TSPAN1: variants seen among roughly 807,000 people sequenced by gnomAD.
The protein encoded by TSPAN1 is tetraspanin 1.
TSPAN1 carries 23 observed loss-of-function variants against 26.9 expected under a neutral mutation model. The observed-to-expected ratio is 0.85, with a 90% confidence interval of 0.62 to 1.21. The LOEUF is 1.21. TSPAN1 is among the 50% of genes most tolerant of loss of function. The probability of loss-of-function intolerance (pLI) is 0.00; values close to 1 mark genes in which losing one functional copy is unlikely to be tolerated. For synonymous variants in TSPAN1, 115 were observed against 114.8 expected, an observed-to-expected ratio of 1.00 and a Z score of -0.01; for missense variants, 283 against 298.4, an observed-to-expected ratio of 0.95 and a Z score of 0.38.
At position 46,176,572 on chromosome 1, in the gene TSPAN1, T is replaced by C. The variant is rs184740109; in HGVS notation, c.-142+1163T>C. On this transcript the variant is annotated intron_variant, in intron 1 of 8. Coordinates refer to ENST00000372003, the MANE Select transcript of TSPAN1 (RefSeq NM_005727.4). The stretch of plus-strand genomic sequence containing the variant: ...GTCTGCATAAGGGCAGGGCCCTTTA[T>C]TACAAGTCGTGGGCCCTGGCCCCTC... 2.2e-4 allele frequency: 307 copies of C among 1,381,996 alleles called. 1 individual carries two copies. The highest frequency in any genetic ancestry group is 5.3e-5 in the Non-Finnish European group (55 of 1,039,998). 85.6% of individuals were successfully genotyped at this position (1,381,996 alleles called of 1,614,324 possible).
downstream of TSPAN1, chr1:46,185,963 G>A: frequency 5.1e-6 from 1 of 194,380 alleles, no homozygotes; most frequent in Non-Finnish European, 1.1e-5. Context: ...AATGTTGCCA[G>A]TTGGACTCTT....
chr1:46,186,073 G>A (rs780010385), downstream of TSPAN1: 1 of 161,452 alleles, frequency 6.2e-6, no homozygotes, highest in South Asian at 1.6e-4. Context: ...TGGGGTTGGG[G>A]GTCAGAAGTG....
chr1:46,176,427 C>T, intron 1 of TSPAN1: 1 of 1,535,768 alleles, frequency 6.5e-7, no homozygotes, highest in South Asian at 1.2e-5. Flanking sequence ...AGGGGGAACG[C>T]ATGCCCTGGG....
At position 46,185,061 on chromosome 1, in the gene TSPAN1, C is replaced by T. The variant is rs557697693; in HGVS notation, c.540C>T (p.Thr180=). 6 of 1,614,010 alleles carry T rather than the reference C, an allele frequency of 3.7e-6. No homozygotes were observed. In the South Asian group the frequency reaches 5.5e-5, roughly 15 times the overall value. ...FPPFCCNDNV[T]NTANETCTKQ... The stretch of plus-strand genomic sequence containing the variant: ...CATTCTGTTGCAATGACAACGTCAC[C>T]AACACAGCCAATGAAACCTGCACCA... The change falls in exon 7 of 9, where the codon ACC becomes ACT. Residue 180 remains threonine (T), a synonymous_variant. Coordinates refer to ENST00000372003, the MANE Select transcript of TSPAN1 (RefSeq NM_005727.4).
chr1:46,195,265 G>C, the TSPAN1 span, among the ~76,000 whole-genome samples: 4 of 151,990 alleles, frequency 2.6e-5, no homozygotes, highest in African/African-American at 7.3e-5. Context: ...ACCTCGACTA[G>C]CATCTTTGCT....
rs1364985120 is a variant in TSPAN1 at position 46,184,229 on chromosome 1, G to A, written c.96G>A (p.Val32=). The change falls in exon 4 of 9, where the codon GTG becomes GTA. Residue 32 remains valine (V), a synonymous_variant. Transcript: ENST00000372003. The part of the protein sequence containing the change: ...GAALLAVGIW[V]SIDGASFLKI... ...CCCTGTTGGCAGTGGGCATCTGGGTGTCAATCGATGGGGCATCCTTTCTGA... is the reference window on the plus strand; with the variant it reads ...CCCTGTTGGCAGTGGGCATCTGGGTATCAATCGATGGGGCATCCTTTCTGA... 2 of 1,614,216 alleles carry A rather than the reference G, an allele frequency of 1.2e-6. No homozygotes were observed. The highest frequency in any genetic ancestry group is 2.2e-5 in the East Asian group (1 of 44,890).
At chr1:46,187,912 G>C (rs1260032905), downstream of TSPAN1, among the ~76,000 whole-genome samples, 2 of 152,192 alleles carry the variant, frequency 1.3e-5, no homozygotes, top group Non-Finnish European at 2.9e-5. Flanking sequence ...GTTCCAGCTG[G>C]AGTTCTGTAC....
chr1:46,189,433 C>T, downstream of TSPAN1: 3 of 1,613,486 alleles, frequency 1.9e-6, no homozygotes, highest in Admixed American at 1.7e-5. Flanking sequence ...CCTCCTGTTT[C>T]CCAGGGCAGA....
chr1:46,179,964 AGTGTGTGT>A (rs141816531), intron 1 of TSPAN1, among the ~76,000 whole-genome samples: 3 of 146,788 alleles, frequency 2.0e-5, no homozygotes, highest in Admixed American at 1.4e-4. Flanking sequence ...AGAAAGAGGG[AGTGTGTGT>A]GTGTGTGTGT....
At chr1:46,179,962 GGAGTGT>G (rs962946799) in intron 1 of TSPAN1, among the ~76,000 whole-genome samples, 1 of 140,910 alleles carries the variant, frequency 7.1e-6, no homozygotes, top group Non-Finnish European at 1.5e-5. Flanking sequence ...AGAGAAAGAG[GGAGTGT>G]GTGTGTGTGT....
At chr1:46,182,354 G>C (rs967804155) in intron 3 of TSPAN1, among the ~76,000 whole-genome samples, 4 of 141,668 alleles carry the variant, frequency 2.8e-5, no homozygotes, top group African/African-American at 1.0e-4. Flanking sequence ...GCAGTGGGAG[G>C]GGGAGAGGAA....
chr1:46,190,364 A>G, downstream of TSPAN1: 2 of 1,401,954 alleles, frequency 1.4e-6, no homozygotes, highest in Middle Eastern at 1.8e-4. Context: ...AATGTTTGAG[A>G]TGAGGGCCCT....
At chr1:46,175,919 C>T (rs1413616338) in intron 1 of TSPAN1, 2 of 451,782 alleles carry the variant, frequency 4.4e-6, no homozygotes, top group Non-Finnish European at 7.8e-6. Flanking sequence ...GTCACCCAGG[C>T]TGGAGTGCAG....
At chr1:46,181,899 G>A (rs556143874) in intron 3 of TSPAN1, among the ~76,000 whole-genome samples, 8 of 152,226 alleles carry the variant, frequency 5.3e-5, no homozygotes, top group South Asian at 2.1e-4. Context: ...ACTTGATATC[G>A]TTCAGAAAAC....
chr1:46,193,964 C>T, the TSPAN1 span: 2 of 1,610,992 alleles, frequency 1.2e-6, no homozygotes, highest in Non-Finnish European at 1.7e-6. Context: ...CCTTATTCCC[C>T]CTTCAAACTG....
At chr1:46,176,832 CTACTT>C (rs1657185121) in intron 1 of TSPAN1, among the ~76,000 whole-genome samples, 1 of 152,242 alleles carries the variant, frequency 6.6e-6, no homozygotes, top group Non-Finnish European at 1.5e-5. Flanking sequence ...TTAATCTCAG[CTACTT>C]TACAAGGATA....
chr1:46,188,612 AAC>A, downstream of TSPAN1: 1 of 1,495,928 alleles, frequency 6.7e-7, no homozygotes, highest in Non-Finnish European at 8.9e-7. Context: ...CTCACCATCC[AAC>A]ACAAGTATTC....
intron 1 of TSPAN1, among the ~76,000 whole-genome samples, chr1:46,178,157 G>T (rs1657226825): frequency 6.6e-6 from 1 of 152,094 alleles, no homozygotes; most frequent in Non-Finnish European, 1.5e-5. Context: ...AGGAGCTCGA[G>T]AGCAGCCTGG....
the TSPAN1 span, chr1:46,193,162 C>G: frequency 1.2e-6 from 2 of 1,613,980 alleles, no homozygotes; most frequent in Admixed American, 3.3e-5. Flanking sequence ...GAGTTGTATC[C>G]TTAGTACTCA....
Sources: allele counts gnomAD v4.1 joint callset (sites outside exome capture counted in the v4.1 genomes callset), GRCh38; gene constraint gnomAD v4.1.1; transcripts MANE v1.5; gene names NCBI Gene and HGNC (gene_info 2026-07-23, HGNC 2026-07-21).